NALF1: variants seen among roughly 807,000 people sequenced by gnomAD.
NALF1 encodes family with sequence similarity 155 member A.
Under a neutral mutation model 48.4 loss-of-function variants are expected in NALF1, and 3 were observed. The ratio of observed to expected loss-of-function variants is 0.06; its 90% confidence interval spans 0.03 to 0.16. The LOEUF (loss-of-function observed/expected upper bound fraction) is 0.16. Among genes scored for constraint, NALF1 ranks in the 10% least tolerant of loss-of-function variants. NALF1 has a pLI of 1.00. For synonymous variants in NALF1, 262 were observed against 245.7 expected, an observed-to-expected ratio of 1.07 and a Z score of -0.62; for missense variants, 526 against 571.5, an observed-to-expected ratio of 0.92 and a Z score of 0.81.
chr13:107,448,548 G>A (rs1566346901), intron 1 of NALF1, among the ~76,000 whole-genome samples: 1 of 152,076 alleles, frequency 6.6e-6, no homozygotes, highest in Non-Finnish European at 1.5e-5. Context: ...TGTCCAGGAG[G>A]GGTCATGTCC....
intron 2 of NALF1, among the ~76,000 whole-genome samples, chr13:107,197,116 G>T (rs1445865624): frequency 6.6e-6 from 1 of 152,118 alleles, no homozygotes; most frequent in Non-Finnish European, 1.5e-5. Context: ...ATGCTCTTGT[G>T]CTCTGGGCAA....
At chr13:107,434,183 T>A (rs1464967206) in intron 1 of NALF1, among the ~76,000 whole-genome samples, 1 of 152,170 alleles carries the variant, frequency 6.6e-6, no homozygotes, top group Non-Finnish European at 1.5e-5. Flanking sequence ...ATCTCTCATT[T>A]TATATTGAGT....
At chr13:107,816,213 A>ACATTCTC (rs1324964161) in intron 1 of NALF1, among the ~76,000 whole-genome samples, 1 of 152,220 alleles carries the variant, frequency 6.6e-6, no homozygotes, top group Non-Finnish European at 1.5e-5. Context: ...AGTGCAGGAG[A>ACATTCTC]CATTCTCCAT....
chr13:107,693,440 G>A (rs868704801), intron 1 of NALF1, among the ~76,000 whole-genome samples: 3 of 152,088 alleles, frequency 2.0e-5, no homozygotes, highest in Middle Eastern at 3.4e-3. Context: ...CCTGCATGTT[G>A]TGCATATGTA....
intron 1 of NALF1, among the ~76,000 whole-genome samples, chr13:107,683,433 C>T (rs2138497863): frequency 6.6e-6 from 1 of 152,302 alleles, no homozygotes; most frequent in African/African-American, 2.4e-5. Context: ...AGTCAAGAGA[C>T]AGACTTAGGG....
At chr13:107,727,943 A>G (rs540963946) in intron 1 of NALF1, among the ~76,000 whole-genome samples, 1 of 152,352 alleles carries the variant, frequency 6.6e-6, no homozygotes, top group East Asian at 1.9e-4. Flanking sequence ...AAAGCTCATC[A>G]TCACTGGTCA....
chr13:107,451,883 T>C (rs966558073), intron 1 of NALF1, among the ~76,000 whole-genome samples: 1 of 152,174 alleles, frequency 6.6e-6, no homozygotes, highest in Non-Finnish European at 1.5e-5. Flanking sequence ...TCTTCTTTCT[T>C]ACTGTGGAGA....
intron 2 of NALF1, among the ~76,000 whole-genome samples, chr13:107,192,312 C>G: frequency 6.6e-6 from 1 of 152,186 alleles, no homozygotes; most frequent in East Asian, 1.9e-4. Flanking sequence ...CACTGACACA[C>G]AGATATTCTG....
At chr13:107,488,320 G>A (rs954269632) in intron 1 of NALF1, among the ~76,000 whole-genome samples, 6 of 150,718 alleles carry the variant, frequency 4.0e-5, no homozygotes, top group East Asian at 2.0e-4. Context: ...GCTAGCTTTC[G>A]GATTTGTTTG....
At chr13:107,530,089 T>G (rs1876577317) in intron 1 of NALF1, among the ~76,000 whole-genome samples, 1 of 152,006 alleles carries the variant, frequency 6.6e-6, no homozygotes, top group Non-Finnish European at 1.5e-5. Context: ...CTCCCTTAGC[T>G]CCAACCCTCA....
intron 1 of NALF1, among the ~76,000 whole-genome samples, chr13:107,631,984 A>C (rs1594172124): frequency 6.6e-6 from 1 of 152,192 alleles, no homozygotes; most frequent in Admixed American, 6.5e-5. Context: ...AATTACAATG[A>C]TGCATGTTTT....
At chr13:107,531,502 CCT>C (rs962053776) in intron 1 of NALF1, among the ~76,000 whole-genome samples, 4 of 152,036 alleles carry the variant, frequency 2.6e-5, no homozygotes, top group African/African-American at 9.7e-5. Flanking sequence ...GCCAATTAAA[CCT>C]CTTTGTTTTA....
intron 1 of NALF1, among the ~76,000 whole-genome samples, chr13:107,710,536 T>C (rs956931941): frequency 9.4e-5 from 14 of 149,546 alleles, no homozygotes; most frequent in South Asian, 2.1e-4. Context: ...CAGAAAATCA[T>C]GGCAGAAGGC....
intron 1 of NALF1, among the ~76,000 whole-genome samples, chr13:107,260,173 C>A (rs550592816): frequency 1.3e-5 from 2 of 152,274 alleles, no homozygotes; most frequent in African/African-American, 4.8e-5. Context: ...AAACCTATAT[C>A]TAAGCATCCC....
intron 1 of NALF1, among the ~76,000 whole-genome samples, chr13:107,309,754 T>TG (rs1439405153): frequency 4.6e-5 from 7 of 152,206 alleles, no homozygotes; most frequent in African/African-American, 1.7e-4. Context: ...ATAATATAGT[T>TG]GGAACACATA....
chr13:107,423,485 T>G (rs1884227391), intron 1 of NALF1, among the ~76,000 whole-genome samples: 1 of 152,140 alleles, frequency 6.6e-6, no homozygotes, highest in Admixed American at 6.5e-5. Flanking sequence ...ATTTTCCATC[T>G]TCTCTGGTGG....
chr13:107,740,453 G>T (rs903685542), intron 1 of NALF1, among the ~76,000 whole-genome samples: 1 of 152,062 alleles, frequency 6.6e-6, no homozygotes, highest in Admixed American at 6.6e-5. Context: ...TGCTTTGGGG[G>T]ATTTAGTATG....
chr13:107,749,283 A>T (rs1876868401), intron 1 of NALF1, among the ~76,000 whole-genome samples: 1 of 152,044 alleles, frequency 6.6e-6, no homozygotes, highest in African/African-American at 2.4e-5. Context: ...GTAAAATGCA[A>T]AGGAGCTAGA....
chr13:107,837,223 T>C (rs565521313), intron 1 of NALF1, among the ~76,000 whole-genome samples: 164 of 152,322 alleles, frequency 1.1e-3, no homozygotes, highest in African/African-American at 3.9e-3. Context: ...CTATACAGTG[T>C]AACCAATTAC....
Sources: allele counts gnomAD v4.1 joint callset (sites outside exome capture counted in the v4.1 genomes callset), GRCh38; gene constraint gnomAD v4.1.1; transcripts MANE v1.5; gene names NCBI Gene and HGNC (gene_info 2026-07-23, HGNC 2026-07-21).